The following CDH23 variants were observed in gnomAD, a reference collection of about 807,000 sequenced individuals.
CDH23 encodes cadherin related 23.
In CDH23, 189 loss-of-function variants were observed where a neutral mutation model predicts 317.1. The observed-to-expected ratio is 0.60, with a 90% CI of 0.53 to 0.67. The LOEUF is 0.67. Among genes scored for constraint, CDH23 ranks in the 30% least tolerant of loss-of-function variants. CDH23 has a pLI of 0.00. For missense variants in CDH23, 4,401 were observed against 4,592.4 expected, an observed-to-expected ratio of 0.96 and a Z score of 1.20; for synonymous variants, 1,839 against 1,876.8, an observed-to-expected ratio of 0.98 and a Z score of 0.52.
chr10:71,779,502 G>T, intron 41 of CDH23, 55 bp downstream of exon 41: 1 of 1,466,332 alleles, frequency 6.8e-7, no homozygotes, highest in Non-Finnish European at 9.2e-7. Context: ...CACCCGCTCA[G>T]GGGAGGATAA....
chr10:71,770,240 G>A (rs564114007), intron 38 of CDH23, among the ~76,000 whole-genome samples: 1 of 152,372 alleles, frequency 6.6e-6, no homozygotes, highest in Admixed American at 6.5e-5. Context: ...GCCGGGTGCT[G>A]TGTTAAGTGT....
At position 71,812,143 on chromosome 10, in the gene CDH23, G is replaced by A. The variant is rs929746922; in HGVS notation, c.9380+128G>A. 3.3e-5 allele frequency: 53 copies of A among 1,590,254 alleles called. No homozygotes were observed. The South Asian group carries it at 5.6e-4, about 17-fold the overall frequency. ...GCTGTGGGCGCCCCCTGGTGGGCGG[G>A]CCACCCTCCCTTCACCCTCCCTCCA... On this transcript the variant is annotated intron_variant, in intron 66 of 69. Coordinates refer to ENST00000224721, the MANE Select transcript of CDH23 (RefSeq NM_022124.6).
At chr10:71,799,337 T>C in intron 51 of CDH23, 57 bp downstream of exon 51, 1 of 1,611,850 alleles carries the variant, frequency 6.2e-7, no homozygotes, top group Non-Finnish European at 8.5e-7. Flanking sequence ...TTGGGGTCTT[T>C]GGGCATCTTC....
intron 6 of CDH23, among the ~76,000 whole-genome samples, chr10:71,566,309 G>T (rs1466917646): frequency 2.6e-5 from 4 of 152,014 alleles, no homozygotes; most frequent in Non-Finnish European, 5.9e-5. Context: ...GCCTGACCAG[G>T]GGCCCCGTAA....
Position 71,799,214 on chromosome 10 carries a change from C to G in CDH23, c.7158C>G (p.Ile2386Met). Residue 2386 changes from isoleucine to methionine, a missense_variant, in exon 51 of 70, where the codon ATC (isoleucine) becomes ATG (methionine). By Grantham distance (10) the Ile-to-Met change is conservative. This residue lies in a region of CDH23 where 189 missense variants were observed against 250.9 expected (regional missense o/e 0.75). Coordinates refer to ENST00000224721, the MANE Select transcript of CDH23 (RefSeq NM_022124.6). ...DNGSPPRAAE[I>M]PVYLEIVDIN... ...GGTCCCCGCCCCGGGCAGCTGAGAT[C>G]CCTGTCTACCTGGAAATCGTGGACA... 1 of 1,614,064 alleles carries G rather than the reference C, an allele frequency of 6.2e-7. No homozygotes were observed. Among genetic ancestry groups the G allele is most frequent in the Non-Finnish European group, 8.5e-7 (1 of 1,179,904 alleles).
At chr10:71,599,552 T>C (rs986257552) in intron 9 of CDH23, among the ~76,000 whole-genome samples, 6 of 152,210 alleles carry the variant, frequency 3.9e-5, no homozygotes, top group African/African-American at 9.6e-5. Context: ...GATTTTAAGA[T>C]AAGATTGGCA....
At chr10:71,646,978 G>C in intron 14 of CDH23, 2 of 985,344 alleles carry the variant, frequency 2.0e-6, no homozygotes, top group Non-Finnish European at 1.2e-6. Flanking sequence ...CTCTCCATGT[G>C]AGCACAGGCA....
At chr10:71,574,686 G>A (rs867414088) in intron 8 of CDH23, among the ~76,000 whole-genome samples, 1 of 152,164 alleles carries the variant, frequency 6.6e-6, no homozygotes, top group Admixed American at 6.5e-5. Flanking sequence ...GCCCAGCTGG[G>A]CTCCTGTGTC....
Position 71,741,973 on chromosome 10 carries a change from G to A in CDH23, c.4845+52G>A, listed in dbSNP as rs1216703688. On this transcript the variant is annotated intron_variant, in intron 38 of 69. Coordinates refer to ENST00000224721, the MANE Select transcript of CDH23 (RefSeq NM_022124.6). ...GGAGCGGGTGGGCCAGGGCAGCTCC[G>A]CCTCCGAGTGAGGGGAACAAGATGG... is the stretch of plus-strand genomic sequence containing the variant. 1.5e-5 allele frequency: 21 copies of A among 1,397,706 alleles called. No homozygotes were observed. The South Asian group carries it at 2.3e-4, about 15-fold the overall frequency. The allele number at this position is 1,397,706 out of a possible 1,614,324, so 86.6% of individuals were successfully genotyped here.
chr10:71,760,838 C>T (rs377371485), intron 38 of CDH23: 1 of 1,603,214 alleles, frequency 6.2e-7, no homozygotes, highest in Non-Finnish European at 8.5e-7. Context: ...AAACAGAGAA[C>T]CCAAAAGGGG....
At chr10:71,576,901 G>A (rs565613361) in intron 8 of CDH23, among the ~76,000 whole-genome samples, 5 of 152,260 alleles carry the variant, frequency 3.3e-5, no homozygotes, top group African/African-American at 7.2e-5. Context: ...ATTGATATTC[G>A]AATGTGCCAG....
chr10:71,761,652 G>A, intron 38 of CDH23: 2 of 1,612,906 alleles, frequency 1.2e-6, no homozygotes, highest in Non-Finnish European at 1.7e-6. Flanking sequence ...GAGTGGTGGT[G>A]CCTGATCTCC....
chr10:71,517,226 G>A, intron 6 of CDH23, among the ~76,000 whole-genome samples: 1 of 152,228 alleles, frequency 6.6e-6, no homozygotes, highest in East Asian at 1.9e-4. Flanking sequence ...GCTGGGTGAG[G>A]AGCGGTGAGG....
At chr10:71,524,864 G>C (rs1589164003) in intron 6 of CDH23, among the ~76,000 whole-genome samples, 1 of 152,160 alleles carries the variant, frequency 6.6e-6, no homozygotes, top group South Asian at 2.1e-4. Flanking sequence ...GATTTCCCTT[G>C]GAGCCTCCAG....
At position 71,762,137 on chromosome 10, in the gene CDH23, G is replaced by A. The variant is rs937205023; in HGVS notation, c.4846-15543G>A. ...GCTACTTCCCAGCCACAGGCCAGGG[G>A]CATGTCAGCTGACCTCCCTAAGACT... On this transcript the variant is annotated intron_variant, in intron 38 of 69. Coordinates refer to ENST00000224721, the MANE Select transcript of CDH23 (RefSeq NM_022124.6). 4 of 1,281,730 alleles carry A rather than the reference G, an allele frequency of 3.1e-6. No homozygotes were observed. The African/African-American group carries it at 6.0e-5, about 19-fold the overall frequency. The allele number at this position is 1,281,730 out of a possible 1,614,324, so 79.4% of individuals were successfully genotyped here. A position where few individuals can be genotyped will look rare whatever the true frequency, so the allele number is the denominator to read the frequency against.
At chr10:71,521,972 G>A (rs1025888433) in intron 6 of CDH23, among the ~76,000 whole-genome samples, 1 of 152,138 alleles carries the variant, frequency 6.6e-6, no homozygotes, top group African/African-American at 2.4e-5. Flanking sequence ...CCTGAGTCTT[G>A]GGCGAGTCGT....
At chr10:71,535,746 C>T (rs1327800231) in intron 6 of CDH23, among the ~76,000 whole-genome samples, 1 of 152,212 alleles carries the variant, frequency 6.6e-6, no homozygotes, top group African/African-American at 2.4e-5. Flanking sequence ...TGGTTATCTG[C>T]CAGGGCACAG....
At chr10:71,553,017 A>G (rs141613667) in intron 6 of CDH23, among the ~76,000 whole-genome samples, 216 of 152,288 alleles carry the variant, frequency 1.4e-3, no homozygotes, top group Non-Finnish European at 1.9e-3. Flanking sequence ...TCTGTAAGAC[A>G]GGGTTCCTGG....
intron 11 of CDH23, among the ~76,000 whole-genome samples, chr10:71,636,680 G>A (rs966868047): frequency 3.9e-5 from 6 of 152,178 alleles, no homozygotes; most frequent in African/African-American, 1.4e-4. Flanking sequence ...CAGGCCCATG[G>A]TACTCAAGGG....
Sources: allele counts gnomAD v4.1 joint callset (sites outside exome capture counted in the v4.1 genomes callset), GRCh38; gene constraint gnomAD v4.1.1; regional missense constraint gnomAD v4.1.1; transcripts MANE v1.5; gene names NCBI Gene and HGNC (gene_info 2026-07-23, HGNC 2026-07-21).